SNTG1: variants seen among roughly 807,000 people sequenced by gnomAD.
SNTG1 encodes syntrophin gamma 1.
A neutral mutation model predicts 74.7 loss-of-function variants in SNTG1; 39 were observed. That is an observed-to-expected ratio of 0.52 (90% CI 0.40 to 0.68). SNTG1 has a LOEUF of 0.68. SNTG1 is among the 30% of genes least tolerant of loss of function. The probability of loss-of-function intolerance (pLI) is 0.00; values close to 1 mark genes in which losing one functional copy is unlikely to be tolerated. For synonymous variants in SNTG1, 254 were observed against 217.1 expected (o/e 1.17, Z -1.49); for missense variants, 685 against 609.5 (o/e 1.12, Z -1.30).
chr8:50,697,365 A>G (rs2095408773), intron 15 of SNTG1, among the ~76,000 whole-genome samples: 1 of 152,176 alleles, frequency 6.6e-6, no homozygotes. Context: ...TGATTATATC[A>G]TCAGCAAACA....
In SNTG1 at chr8:50,088,541, A is replaced by G. The variant is rs985783278; in HGVS notation, c.-102-84020A>G. On this transcript the variant is annotated intron_variant, in intron 1 of 18. Coordinates refer to ENST00000642720, the MANE Select transcript of SNTG1 (RefSeq NM_018967.5). ...AGCCCAAAATCTCCTTAAGCTGATA[A>G]GCAACTTCAGCAAAGTCTCAGGATA... 9.5e-4 allele frequency among the ~76,000 whole-genome samples: 128 copies of G among 134,706 alleles called. 1 individual carries two copies. Among genetic ancestry groups the G allele is most frequent in the African/African-American group, 3.0e-3 (118 of 38,898 alleles). The allele number at this position is 134,706 out of a possible 152,430, so 88.4% of individuals were successfully genotyped here. A position where few individuals can be genotyped will look rare whatever the true frequency, so the allele number is the denominator to read the frequency against.
chr8:50,024,408 A>G (rs1817084285), intron 1 of SNTG1, among the ~76,000 whole-genome samples: 1 of 152,190 alleles, frequency 6.6e-6, no homozygotes, highest in Non-Finnish European at 1.5e-5. Flanking sequence ...CTGCAAAATC[A>G]TGCAGACTGG....
chr8:49,945,085 G>A (rs983215271), intron 1 of SNTG1, among the ~76,000 whole-genome samples: 2 of 152,028 alleles, frequency 1.3e-5, no homozygotes, highest in Non-Finnish European at 2.9e-5. Flanking sequence ...AATATTAAGC[G>A]CCATGTAATT....
chr8:50,012,252 T>C (rs1410031492), intron 1 of SNTG1, among the ~76,000 whole-genome samples: 1 of 152,192 alleles, frequency 6.6e-6, no homozygotes, highest in African/African-American at 2.4e-5. Flanking sequence ...TCTATCTTCA[T>C]GAAGTCAAGT....
At chr8:50,292,190 A>T (rs1454518653) in intron 2 of SNTG1, among the ~76,000 whole-genome samples, 1 of 152,158 alleles carries the variant, frequency 6.6e-6, no homozygotes, top group African/African-American at 2.4e-5. Flanking sequence ...ATGTGGACAG[A>T]AGTGCAGAGG....
intron 1 of SNTG1, among the ~76,000 whole-genome samples, chr8:50,122,344 G>A (rs2081023823): frequency 7.0e-6 from 1 of 141,908 alleles, no homozygotes; most frequent in African/African-American, 2.6e-5. Flanking sequence ...GAGAGGGGAT[G>A]CAGCTGGGAG....
chr8:50,202,130 T>A (rs1379575374), intron 2 of SNTG1, among the ~76,000 whole-genome samples: 1 of 152,294 alleles, frequency 6.6e-6, no homozygotes, highest in East Asian at 1.9e-4. Context: ...TTGTTTCATA[T>A]ATTTGTAATA....
intron 1 of SNTG1, among the ~76,000 whole-genome samples, chr8:49,933,213 T>C (rs147272761): frequency 1.8e-4 from 28 of 152,314 alleles, no homozygotes; most frequent in African/African-American, 6.5e-4. Context: ...TAGCTGTACA[T>C]TCCCACCAAC....
At chr8:50,042,176 T>C (rs1818693270) in intron 1 of SNTG1, among the ~76,000 whole-genome samples, 1 of 152,204 alleles carries the variant, frequency 6.6e-6, no homozygotes, top group East Asian at 1.9e-4. Flanking sequence ...TTTGATTTTC[T>C]TTGCTTTCAA....
intron 2 of SNTG1, among the ~76,000 whole-genome samples, chr8:50,236,690 TCCGCC>T (rs1294412967): frequency 2.6e-5 from 4 of 152,232 alleles, no homozygotes; most frequent in Admixed American, 2.6e-4. Context: ...GACCTTGTGA[TCCGCC>T]CGCCTTGGCC....
intron 17 of SNTG1, among the ~76,000 whole-genome samples, chr8:50,725,266 T>C (rs1466107381): frequency 6.6e-6 from 1 of 152,180 alleles, no homozygotes; most frequent in Non-Finnish European, 1.5e-5. Context: ...CAATCAGTTA[T>C]TCCCATGGTG....
intron 18 of SNTG1, among the ~76,000 whole-genome samples, chr8:50,754,565 G>T (rs2131711154): frequency 1.3e-5 from 2 of 151,656 alleles, no homozygotes; most frequent in South Asian, 4.2e-4. Context: ...ATAATTTTTT[G>T]GTGCCTTGTC....
intron 1 of SNTG1, among the ~76,000 whole-genome samples, chr8:49,948,526 G>A (rs1024857015): frequency 2.0e-5 from 3 of 152,130 alleles, no homozygotes; most frequent in African/African-American, 4.8e-5. Flanking sequence ...CAATTTGAAT[G>A]TTGTAGTCAC....
At chr8:50,597,490 C>G (rs2094739164) in intron 13 of SNTG1, among the ~76,000 whole-genome samples, 1 of 151,192 alleles carries the variant, frequency 6.6e-6, no homozygotes, top group African/African-American at 2.4e-5. Flanking sequence ...TACCATATCT[C>G]AGCTATTTTG....
intron 1 of SNTG1, among the ~76,000 whole-genome samples, chr8:49,941,253 A>T (rs1808659550): frequency 6.6e-6 from 1 of 151,924 alleles, no homozygotes; most frequent in Non-Finnish European, 1.5e-5. Context: ...TTTTGAGGAG[A>T]CTTAACATTG....
At chr8:50,225,893 C>T (rs1441350179) in intron 2 of SNTG1, among the ~76,000 whole-genome samples, 1 of 152,044 alleles carries the variant, frequency 6.6e-6, no homozygotes, top group Non-Finnish European at 1.5e-5. Context: ...TGACAATTGG[C>T]ATAGTATTTG....
rs2079919928 is a variant in SNTG1 at position 50,096,188 on chromosome 8, T to C, written c.-102-76373T>C. ...GACTAGGATTCAATTTCCATCAATG[T>C]CAATATCCATTCCACACAACCACCC... On this transcript the variant is annotated intron_variant, in intron 1 of 18. Coordinates refer to ENST00000642720, the MANE Select transcript of SNTG1 (RefSeq NM_018967.5). Among the ~76,000 whole-genome samples, 7 of 152,226 alleles carry C rather than the reference T, an allele frequency of 4.6e-5. No individual in the cohort carries two copies. In the South Asian group the frequency reaches 1.4e-3, roughly 31 times the overall value.
chr8:50,683,297 T>G (rs767109286), intron 15 of SNTG1, among the ~76,000 whole-genome samples: 1 of 152,120 alleles, frequency 6.6e-6, no homozygotes. Flanking sequence ...TTGTATTTGC[T>G]TAAAAGAAAG....
chr8:50,301,541 A>G (rs547746622), intron 2 of SNTG1, among the ~76,000 whole-genome samples: 1 of 152,178 alleles, frequency 6.6e-6, no homozygotes, highest in African/African-American at 2.4e-5. Context: ...ATTGATTTGG[A>G]GTCTTTGTCT....
Sources: gnomAD v4.1 joint callset for allele counts (sites outside exome capture counted in the v4.1 genomes callset) on GRCh38, gnomAD v4.1.1 for gene constraint, MANE v1.5 for transcripts, NCBI Gene and HGNC (gene_info 2026-07-23, HGNC 2026-07-21) for gene names.